The following CLK3 variants were observed in gnomAD, a reference collection of about 807,000 sequenced individuals.
CLK3 encodes CDC like kinase 3.
CLK3 carries 24 observed loss-of-function variants against 65.2 expected under a neutral mutation model. The ratio of observed to expected loss-of-function variants is 0.37; its 90% CI spans 0.27 to 0.52. The LOEUF is 0.52. Among genes scored for constraint, CLK3 ranks in the 20% least tolerant of loss-of-function variants. CLK3 has a pLI of 0.92. For synonymous variants in CLK3, 252 were observed against 240.8 expected (o/e 1.05, Z -0.43); for missense variants, 506 against 660.0 (o/e 0.77, Z 2.56).
rs1350982345 is a variant in CLK3 at position 74,620,098 on chromosome 15, A to G, written c.242A>G (p.Glu81Gly). ...GAAGAGCGGAGCCCATCCTTTGGAG[A>G]GGACTACTATGGACCTTCACGTTCT... Reference protein sequence around the residue: ...RCEERSPSFGEDYYGPSRSRH... With the variant: ...RCEERSPSFGGDYYGPSRSRH... Residue 81 changes from glutamate to glycine, a missense_variant, in exon 3 of 13, where the codon GAG (glutamate) becomes GGG (glycine). Coordinates refer to ENST00000395066, the MANE Select transcript of CLK3 (RefSeq NM_001130028.2). The G allele has an allele frequency of 1.9e-6, 3 of 1,614,160 alleles. No homozygotes were observed. Among genetic ancestry groups the G allele is most frequent in the East Asian group, 2.2e-5 (1 of 44,872 alleles).
upstream of CLK3, chr15:74,615,591 T>G: frequency 1.6e-6 from 2 of 1,262,772 alleles, no homozygotes; most frequent in Non-Finnish European, 2.0e-6. Context: ...GCCGCGCACC[T>G]GTCAGGTCGG....
At position 74,618,806 on chromosome 15, in the gene CLK3, GC is replaced by G. The variant is rs905016423; in HGVS notation, c.1-384del. On this transcript the variant is annotated intron_variant, in intron 1 of 12. Transcript: ENST00000395066. ...TACAGAGCATTCACTTCACGGGACC[GC>G]CCCCCCGGGCGGGAGGGAATAGAGT... Among the ~76,000 whole-genome samples the G allele has an allele frequency of 4.2e-4, 64 of 152,190 alleles. 1 individual carries two copies. The highest frequency in any genetic ancestry group is 1.4e-3 in the African/African-American group (57 of 41,540).
chr15:74,610,002 T>C (rs2061967504), intron 1 of CLK3, among the ~76,000 whole-genome samples: 1 of 152,248 alleles, frequency 6.6e-6, no homozygotes, highest in South Asian at 2.1e-4. Flanking sequence ...ATCCCTCTCT[T>C]GGCTGGACTA....
chr15:74,629,011 G>T lies in CLK3; in HGVS notation c.1275G>T (p.Lys425Asn). Residue 425 changes from lysine (K) to asparagine (N), a missense_variant, in exon 12 of 13, where the codon AAG becomes AAT. Around this residue, in one of 2 missense-constraint regions of CLK3, gnomAD observed 325 missense variants for 500.5 expected, o/e 0.65. Transcript: ENST00000395066. ...ACAGCTCTGACGGCCGGTATGTGAA[G>T]GAGAACTGCAAACCTCTGAAGGTCA... ...DENSSDGRYV[K>N]ENCKPLKSYM... is the part of the protein sequence containing the mutation. 1 of 1,613,700 alleles carries T rather than the reference G, an allele frequency of 6.2e-7. No homozygotes were observed. Among genetic ancestry groups the T allele is most frequent in the Non-Finnish European group, 8.5e-7 (1 of 1,179,586 alleles).
chr15:74,627,427 C>T lies in CLK3; in HGVS notation c.893C>T (p.Thr298Ile), dbSNP rs1338246579. Reference protein sequence around the residue: ...NILFVNSEFETLYNEHKSCEE... With the variant: ...NILFVNSEFEILYNEHKSCEE... ...CTGTTTGTGAATTCTGAGTTTGAAA[C>T]CCTCTACAATGAGCACAAGGTATTG... is the stretch of plus-strand genomic sequence containing the variant. Residue 298 changes from threonine (T) to isoleucine (I), a missense_variant, in exon 8 of 13, where the codon ACC becomes ATC. Coordinates refer to ENST00000395066, the MANE Select transcript of CLK3 (RefSeq NM_001130028.2). The surrounding 1 kb of genome is among the most constrained non-coding windows in gnomAD (Gnocchi z 4.3). 6.2e-7 allele frequency: 1 copy of T among 1,614,198 alleles called. No homozygotes were observed. Among genetic ancestry groups the T allele is most frequent in the Admixed American group, 1.7e-5 (1 of 60,030 alleles).
intron 1 of CLK3, among the ~76,000 whole-genome samples, chr15:74,616,272 CT>C: frequency 6.6e-6 from 1 of 152,254 alleles, no homozygotes; most frequent in Non-Finnish European, 1.5e-5. Flanking sequence ...TGACTCCTCC[CT>C]TGGCGGCCTG....
At position 74,624,609 on chromosome 15, in the gene CLK3, G is replaced by T. The variant is rs895613916; in HGVS notation, c.534-293G>T. The T allele has an allele frequency of 6.4e-6, 3 of 469,056 alleles. No individual in the cohort carries two copies. The highest frequency in any genetic ancestry group is 1.9e-5 in the African/African-American group (1 of 51,412). 29.1% of individuals were successfully genotyped at this position (469,056 alleles called of 1,614,324 possible). A position where few individuals can be genotyped will look rare whatever the true frequency, so the allele number is the denominator to read the frequency against. On this transcript the variant is annotated intron_variant, in intron 5 of 12. Transcript: ENST00000395066. This position sits in a 1 kb window ranked among gnomAD's most constrained non-coding sequence, Gnocchi z 4.2. ...CTCTTGGACTGGCACTGGTTAAGCA[G>T]GATTGGCCTCTACTCTCCCACACTC...
At chr15:74,612,139 G>A (rs2061997203), upstream of CLK3, among the ~76,000 whole-genome samples, 1 of 152,240 alleles carries the variant, frequency 6.6e-6, no homozygotes, top group African/African-American at 2.4e-5. Flanking sequence ...AAGTCCGGCA[G>A]GGAGTCCCGT....
Position 74,624,876 on chromosome 15 carries a change from AC to A in CLK3, c.534-24del, listed in dbSNP as rs374700387. The A allele has an allele frequency of 4.9e-5, 76 of 1,547,254 alleles. 1 individual carries two copies. The Middle Eastern group carries it at 1.6e-3, about 32-fold the overall frequency. ...AAGGACTGGGCAGCTGCTGATGAGA[AC>A]CTCTGTTTCCTTCCCGGGTACCAGA... On this transcript the variant is annotated intron_variant, in intron 5 of 12. Coordinates refer to ENST00000395066, the MANE Select transcript of CLK3 (RefSeq NM_001130028.2). This position sits in a 1 kb window ranked among gnomAD's most constrained non-coding sequence, Gnocchi z 4.2.
Position 74,620,085 on chromosome 15 carries a change from C to T in CLK3, c.229C>T (p.Pro77Ser), listed in dbSNP as rs1426039307. 1.2e-6 allele frequency: 2 copies of T among 1,614,060 alleles called. No homozygotes were observed. The highest frequency in any genetic ancestry group is 8.5e-7 in the Non-Finnish European group (1 of 1,180,038). ...TACATACCGGTGTGAAGAGCGGAGC[C>T]CATCCTTTGGAGAGGACTACTATGG... ...SDTYRCEERSPSFGEDYYGPS... is the reference protein window; with the variant it reads ...SDTYRCEERSSSFGEDYYGPS... The change falls in exon 3 of 13, where the codon CCA becomes TCA. Residue 77 changes from proline (P) to serine (S), a missense_variant. Pro to Ser is a moderately conservative substitution (Grantham distance 74). Around this residue, in one of 2 missense-constraint regions of CLK3, gnomAD observed 181 missense variants for 159.4 expected, o/e 1.14. Coordinates refer to ENST00000395066, the MANE Select transcript of CLK3 (RefSeq NM_001130028.2).
At chr15:74,614,608 C>G (rs898356081), upstream of CLK3, among the ~76,000 whole-genome samples, 5 of 152,240 alleles carry the variant, frequency 3.3e-5, no homozygotes, top group African/African-American at 1.2e-4. Context: ...CGCCTTGAAA[C>G]CCCCCGTTTC....
chr15:74,624,939 G>C lies in CLK3; in HGVS notation c.571G>C (p.Val191Leu). The C allele has an allele frequency of 6.2e-7, 1 of 1,611,420 alleles. No individual in the cohort carries two copies. Among genetic ancestry groups the C allele is most frequent in the Non-Finnish European group, 8.5e-7 (1 of 1,178,864 alleles). ...GGTTGCCCTGAAGATCATCCGCAAC[G>C]TGGGCAAGTACCGGGAGGCTGCCCG... ...SQVALKIIRN[V>L]GKYREAARLE... The change falls in exon 6 of 13, where the codon GTG becomes CTG. Residue 191 changes from valine (V) to leucine (L), a missense_variant. Coordinates refer to ENST00000395066, the MANE Select transcript of CLK3 (RefSeq NM_001130028.2). This position sits in a 1 kb window ranked among gnomAD's most constrained non-coding sequence, Gnocchi z 4.2.
chr15:74,622,297 C>G lies in CLK3; in HGVS notation c.466+81C>G. The G allele has an allele frequency of 7.3e-7, 1 of 1,364,866 alleles. No individual in the cohort carries two copies. The highest frequency in any genetic ancestry group is 1.8e-4 in the Middle Eastern group (1 of 5,502). 84.5% of individuals were successfully genotyped at this position (1,364,866 alleles called of 1,614,324 possible). On this transcript the variant is annotated intron_variant, in intron 4 of 12. Transcript: ENST00000395066. This position sits in a 1 kb window ranked among gnomAD's most constrained non-coding sequence, Gnocchi z 4.6. ...CGAGACCTCTCCTGCCTGGAGGGGCCTCTAGTGCGCGTGGTGCCTTAGCGG... is the reference window on the plus strand; with the variant it reads ...CGAGACCTCTCCTGCCTGGAGGGGCGTCTAGTGCGCGTGGTGCCTTAGCGG...
In CLK3 at chr15:74,622,942, A is replaced by G. The variant is rs915228518; in HGVS notation, c.533+382A>G. 6.6e-6 allele frequency among the ~76,000 whole-genome samples: 1 copy of G among 152,198 alleles called. No homozygotes were observed. The highest frequency in any genetic ancestry group is 1.5e-5 in the Non-Finnish European group (1 of 68,040). Reference sequence around the variant, plus strand: ...GCTTAGCAAGGGGCTAGGAGTACCAATAAGCCCAGCCCAAGCATAAGTCCC... The same window carrying G: ...GCTTAGCAAGGGGCTAGGAGTACCAGTAAGCCCAGCCCAAGCATAAGTCCC... On this transcript the variant is annotated intron_variant, in intron 5 of 12. Transcript: ENST00000395066. This position sits in a 1 kb window ranked among gnomAD's most constrained non-coding sequence, Gnocchi z 4.6.
In CLK3 at chr15:74,628,698, AG is replaced by A. The variant is rs754440513; in HGVS notation, c.1205+16del. On this transcript the variant is annotated intron_variant, in intron 11 of 12. Transcript: ENST00000395066. ...CACCGTACCAGGTAAGGACCCCAGT[AG>A]CCCCCTCAGGGTTGGTATAGAGGCC... The A allele has an allele frequency of 6.2e-7, 1 of 1,603,776 alleles. No individual in the cohort carries two copies. Among genetic ancestry groups the A allele is most frequent in the Non-Finnish European group, 8.5e-7 (1 of 1,174,020 alleles).
At chr15:74,619,784 C>G (rs535462249) in intron 2 of CLK3, among the ~76,000 whole-genome samples, 123 of 152,286 alleles carry the variant, frequency 8.1e-4, no homozygotes, top group African/African-American at 2.9e-3. Flanking sequence ...CTCCCCTTCC[C>G]CTGTACCCCT....
intron 6 of CLK3, 56 bp downstream of exon 6, chr15:74,625,074 G>T (rs1020667582): frequency 7.5e-7 from 1 of 1,330,486 alleles, no homozygotes; most frequent in Admixed American, 1.7e-5. Flanking sequence ...TGGACCCCCA[G>T]GGGCTTAGTA....
chr15:74,620,451 C>G (rs1176139312), intron 3 of CLK3: 1 of 647,024 alleles, frequency 1.5e-6, no homozygotes, highest in African/African-American at 1.8e-5. Context: ...GGAACTCTGG[C>G]TCCGATGCTG....
chr15:74,622,683 A>G lies in CLK3; in HGVS notation c.533+123A>G. 1 of 694,990 alleles carries G rather than the reference A, an allele frequency of 1.4e-6. No homozygotes were observed. Among genetic ancestry groups the G allele is most frequent in the Non-Finnish European group, 2.4e-6 (1 of 423,964 alleles). 43.1% of individuals were successfully genotyped at this position (694,990 alleles called of 1,614,324 possible). ...TTTTTCTTTTTGAAGGGTGGCATCA[A>G]AGTAGGGTTCCGACCTGTCCATGTT... On this transcript the variant is annotated intron_variant, in intron 5 of 12. Transcript: ENST00000395066. This position sits in a 1 kb window ranked among gnomAD's most constrained non-coding sequence, Gnocchi z 4.6.
Sources: gnomAD v4.1 joint callset for allele counts (sites outside exome capture counted in the v4.1 genomes callset) on GRCh38, gnomAD v4.1.1 for gene constraint, gnomAD v4.1.1 regional missense constraint, Gnocchi (gnomAD v3.1) non-coding constraint, MANE v1.5 for transcripts, NCBI Gene and HGNC (gene_info 2026-07-23, HGNC 2026-07-21) for gene names.